The following RAD18 variants were observed in gnomAD, a reference collection of about 807,000 sequenced individuals.
RAD18 encodes the protein E3 ubiquitin-protein ligase RAD18.
In RAD18, 47 loss-of-function variants were observed where a neutral mutation model predicts 60.4. The ratio of observed to expected loss-of-function variants is 0.78; its 90% CI spans 0.62 to 0.99. The LOEUF (loss-of-function observed/expected upper bound fraction) is 0.99, where lower values mean the gene tolerates loss of function less well. Ranked by LOEUF, RAD18 falls within the 50% of genes least tolerant of loss-of-function variation. RAD18 has a pLI of 0.00. For missense variants in RAD18, 640 were observed against 593.3 expected (o/e 1.08, Z -0.82); for synonymous variants, 225 against 195.5 (o/e 1.15, Z -1.26).
chr3:8,918,853 G>A (rs1351643633), intron 7 of RAD18, among the ~76,000 whole-genome samples: 1 of 152,184 alleles, frequency 6.6e-6, no homozygotes. Flanking sequence ...AGGTGGAAGG[G>A]GTCCTAGTGC....
intron 7 of RAD18, among the ~76,000 whole-genome samples, chr3:8,917,495 T>C (rs1030069994): frequency 2.6e-5 from 4 of 152,138 alleles, no homozygotes; most frequent in African/African-American, 4.8e-5. Context: ...AAGGAATTCA[T>C]GACAATAACA....
At chr3:8,926,266 T>C (rs546684572) in intron 7 of RAD18, among the ~76,000 whole-genome samples, 5 of 151,790 alleles carry the variant, frequency 3.3e-5, no homozygotes. Context: ...TATACACCAA[T>C]AACAGACAGA....
chr3:8,947,752 A>T (rs899091900), intron 3 of RAD18, among the ~76,000 whole-genome samples: 1 of 152,368 alleles, frequency 6.6e-6, no homozygotes, highest in East Asian at 1.9e-4. Context: ...ATTTGGCATG[A>T]ATGGTACACA....
At position 8,918,908 on chromosome 3, in the gene RAD18, G is replaced by A. The variant is rs145382245; in HGVS notation, c.890-5188C>T. Among the ~76,000 whole-genome samples, 321 of 152,282 alleles carry A rather than the reference G, an allele frequency of 2.1e-3. 1 individual carries two copies. The highest frequency in any genetic ancestry group is 3.8e-3 in the Non-Finnish European group (260 of 68,030). On this transcript the variant is annotated intron_variant, in intron 7 of 12. Transcript: ENST00000264926. Reference sequence around the variant, plus strand: ...ACAATGTCAGTGGAAGCCTAGTGAGGAGCTCAGACTTCTACACCCCATCCA... The same window carrying A: ...ACAATGTCAGTGGAAGCCTAGTGAGAAGCTCAGACTTCTACACCCCATCCA...
At position 8,879,901 on chromosome 3, in the gene RAD18, T is replaced by C. The variant is rs148700041; in HGVS notation, c.*1456A>G. On this transcript the variant is annotated 3_prime_UTR_variant, in exon 13 of 13. Coordinates refer to ENST00000264926, the MANE Select transcript of RAD18 (RefSeq NM_020165.4). The stretch of plus-strand genomic sequence containing the variant: ...TAATAATTACTTCCAGTTTAATTTA[T>C]AGACTATATAATTTGTCATGAAACA... The C allele has an allele frequency of 1.3e-5, 2 of 152,368 alleles. No individual in the cohort carries two copies. Among genetic ancestry groups the C allele is most frequent in the Non-Finnish European group, 2.9e-5 (2 of 68,028 alleles). The allele number at this position is 152,368 out of a possible 1,614,324, so 9.4% of individuals were successfully genotyped here.
chr3:8,925,217 G>T (rs1225238205), intron 7 of RAD18, among the ~76,000 whole-genome samples: 1 of 151,514 alleles, frequency 6.6e-6, no homozygotes, highest in Non-Finnish European at 1.5e-5. Context: ...AATAAAAAAT[G>T]ATAAAGGGGA....
At chr3:8,921,521 G>A (rs372094852) in intron 7 of RAD18, among the ~76,000 whole-genome samples, 43 of 152,126 alleles carry the variant, frequency 2.8e-4, no homozygotes, top group African/African-American at 9.2e-4. Flanking sequence ...CTGGGCATGC[G>A]CTTGTAGTCC....
chr3:8,898,998 C>T lies in RAD18; in HGVS notation c.1218G>A (p.Lys406=), dbSNP rs1939853976. Residue 406 remains lysine, a synonymous_variant, in exon 11 of 13, where the codon AAG becomes AAA. Transcript: ENST00000264926. ...GTTCCAATTCCTCTGGGGAGTCCAG[C>T]TTTGATTGAGAAAAGTGGTTTGTTA... The part of the protein sequence containing the change: ...TSVTNHFSQS[K]LDSPEELEPD... The T allele has an allele frequency of 4.4e-6, 7 of 1,608,556 alleles. No individual in the cohort carries two copies. Among genetic ancestry groups the T allele is most frequent in the Admixed American group, 1.7e-5 (1 of 59,618 alleles).
At chr3:8,944,131 C>T (rs1380300791) in intron 4 of RAD18, among the ~76,000 whole-genome samples, 1 of 152,012 alleles carries the variant, frequency 6.6e-6, no homozygotes, top group Non-Finnish European at 1.5e-5. Flanking sequence ...CGTTACAAAT[C>T]CTATAAAGAA....
intron 7 of RAD18, among the ~76,000 whole-genome samples, chr3:8,916,602 T>C (rs1243996560): frequency 6.6e-6 from 1 of 152,074 alleles, no homozygotes; most frequent in Non-Finnish European, 1.5e-5. Context: ...ATGAACAACA[T>C]ACATGAACAG....
Position 8,880,457 on chromosome 3 carries a change from T to C in RAD18, c.*900A>G, listed in dbSNP as rs1306242367. 5 of 152,234 alleles carry C rather than the reference T, an allele frequency of 3.3e-5. No homozygotes were observed. Among genetic ancestry groups the C allele is most frequent in the African/African-American group, 9.6e-5 (4 of 41,472 alleles). 9.4% of individuals were successfully genotyped at this position (152,234 alleles called of 1,614,324 possible). The stretch of plus-strand genomic sequence containing the variant: ...AAGAACTCTGGAAGCATCTGGCTAC[T>C]GGTAGACATTTTACACAGATAGCAA... On this transcript the variant is annotated 3_prime_UTR_variant, in exon 13 of 13. Coordinates refer to ENST00000264926, the MANE Select transcript of RAD18 (RefSeq NM_020165.4).
At chr3:8,893,653 G>T (rs867281822) in intron 11 of RAD18, among the ~76,000 whole-genome samples, 35 of 151,650 alleles carry the variant, frequency 2.3e-4, no homozygotes, top group Middle Eastern at 6.8e-3. Flanking sequence ...TACCTCTACA[G>T]GCCACAGTGA....
At chr3:8,922,379 G>C (rs1940338236) in intron 7 of RAD18, among the ~76,000 whole-genome samples, 1 of 152,238 alleles carries the variant, frequency 6.6e-6, no homozygotes, top group African/African-American at 2.4e-5. Context: ...AGGTGGCAGT[G>C]AGGCTGGGGG....
rs1407526106 is a variant in RAD18 at position 8,903,181 on chromosome 3, CA to C, written c.1028-662del. On this transcript the variant is annotated intron_variant, in intron 9 of 12. Transcript: ENST00000264926. ...CCTTCTTTTTATCTTCTCCCTTCCT[CA>C]AATACAAATATGGAAACATGATATT... 2.0e-5 allele frequency among the ~76,000 whole-genome samples: 3 copies of C among 152,150 alleles called. No individual in the cohort carries two copies. The East Asian group carries it at 5.8e-4, about 29-fold the overall frequency.
chr3:8,917,984 G>A (rs9682093), intron 7 of RAD18, among the ~76,000 whole-genome samples: 354 of 152,240 alleles, frequency 2.3e-3, no homozygotes, highest in African/African-American at 8.2e-3. Context: ...AATATGAGGC[G>A]CAATAGGCTC....
chr3:8,931,848 T>C (rs993902365), intron 7 of RAD18, among the ~76,000 whole-genome samples: 4 of 152,240 alleles, frequency 2.6e-5, no homozygotes, highest in African/African-American at 9.6e-5. Flanking sequence ...ACATGCTATA[T>C]ACATGGCCGT....
At chr3:8,910,992 T>C (rs1394491692) in intron 9 of RAD18, among the ~76,000 whole-genome samples, 3 of 152,174 alleles carry the variant, frequency 2.0e-5, no homozygotes, top group Non-Finnish European at 4.4e-5. Flanking sequence ...ATAAGGCTCA[T>C]AAAAAGTAAA....
chr3:8,890,662 C>T (rs891468198), intron 11 of RAD18, among the ~76,000 whole-genome samples: 50 of 152,092 alleles, frequency 3.3e-4, no homozygotes, highest in Non-Finnish European at 6.2e-4. Context: ...AGGCCAAAGG[C>T]GCTGAAAAAC....
At chr3:8,918,163 C>CA (rs1460467580) in intron 7 of RAD18, among the ~76,000 whole-genome samples, 2 of 151,748 alleles carry the variant, frequency 1.3e-5, no homozygotes, top group Non-Finnish European at 2.9e-5. Flanking sequence ...ACTGAAAATA[C>CA]AAAAATTAGC....
Sources: allele counts gnomAD v4.1 joint callset (sites outside exome capture counted in the v4.1 genomes callset), GRCh38; gene constraint gnomAD v4.1.1; transcripts MANE v1.5; gene names NCBI Gene and HGNC (gene_info 2026-07-23, HGNC 2026-07-21).